Variants in PPP1R9A observed in about 807,000 individuals in gnomAD.
PPP1R9A encodes protein phosphatase 1 regulatory subunit 9A.
In PPP1R9A, 59 loss-of-function variants were observed where a neutral mutation model predicts 141.9. That is an observed-to-expected ratio of 0.42 (90% CI 0.34 to 0.52). The LOEUF is 0.52. Among genes scored for constraint, PPP1R9A ranks in the 20% least tolerant of loss-of-function variants. PPP1R9A has a pLI of 0.10. For missense variants in PPP1R9A, 1,444 were observed against 1,611.9 expected, an observed-to-expected ratio of 0.90 and a Z score of 1.78; for synonymous variants, 500 against 569.7, an observed-to-expected ratio of 0.88 and a Z score of 1.74.
At chr7:95,228,335 T>C (rs1001812590) in intron 8 of PPP1R9A, among the ~76,000 whole-genome samples, 2 of 152,212 alleles carry the variant, frequency 1.3e-5, no homozygotes, top group South Asian at 4.1e-4. Context: ...TGGTGAAATA[T>C]TTATGGAATG....
chr7:95,072,849 AAT>A (rs1491072108), intron 2 of PPP1R9A, among the ~76,000 whole-genome samples: 13 of 108,218 alleles, frequency 1.2e-4, no homozygotes, highest in South Asian at 2.3e-4. Flanking sequence ...TATTATATAT[AAT>A]ATAAGTTATA....
At chr7:95,241,363 T>C (rs1797433693) in intron 8 of PPP1R9A, among the ~76,000 whole-genome samples, 2 of 152,170 alleles carry the variant, frequency 1.3e-5, no homozygotes, top group South Asian at 2.1e-4. Context: ...CACTTTTTGC[T>C]TGGGACAGAA....
intron 2 of PPP1R9A, among the ~76,000 whole-genome samples, chr7:95,082,972 G>T (rs1396387935): frequency 1.3e-5 from 2 of 151,444 alleles, no homozygotes; most frequent in Non-Finnish European, 2.9e-5. Context: ...AGCCAGGATG[G>T]TCTCAATCTC....
intron 2 of PPP1R9A, among the ~76,000 whole-genome samples, chr7:94,962,834 G>A (rs1017564462): frequency 2.6e-5 from 4 of 152,092 alleles, no homozygotes; most frequent in Non-Finnish European, 4.4e-5. Flanking sequence ...AGTCAAGCTC[G>A]CATATTAACA....
At chr7:95,271,513 G>A (rs1262680278) in intron 14 of PPP1R9A, among the ~76,000 whole-genome samples, 1 of 152,170 alleles carries the variant, frequency 6.6e-6, no homozygotes, top group East Asian at 1.9e-4. Context: ...AACATGATGG[G>A]GGAAATAGGA....
chr7:94,937,817 C>G (rs946752725), intron 2 of PPP1R9A, among the ~76,000 whole-genome samples: 2 of 152,014 alleles, frequency 1.3e-5, no homozygotes, highest in Non-Finnish European at 1.5e-5. Flanking sequence ...TATGGGAGAT[C>G]CAGTTTTTTC....
intron 2 of PPP1R9A, among the ~76,000 whole-genome samples, chr7:95,038,588 C>G (rs1808779917): frequency 6.6e-6 from 1 of 152,134 alleles, no homozygotes; most frequent in African/African-American, 2.4e-5. Flanking sequence ...GAGCCTTGTG[C>G]TGCAGCCATG....
chr7:95,045,484 A>T (rs569772618), intron 2 of PPP1R9A, among the ~76,000 whole-genome samples: 1 of 152,358 alleles, frequency 6.6e-6, no homozygotes, highest in South Asian at 2.1e-4. Context: ...AGTTGTACAC[A>T]TGCTCACTTG....
chr7:95,051,173 T>A (rs1810741893), intron 2 of PPP1R9A, among the ~76,000 whole-genome samples: 1 of 152,138 alleles, frequency 6.6e-6, no homozygotes. Context: ...TCTTTTTTTT[T>A]ATTGATTCTT....
At chr7:95,027,432 C>A (rs867611956) in intron 2 of PPP1R9A, among the ~76,000 whole-genome samples, 1 of 152,182 alleles carries the variant, frequency 6.6e-6, no homozygotes. Context: ...TAACCAGTCC[C>A]CATGAGATGA....
intron 2 of PPP1R9A, among the ~76,000 whole-genome samples, chr7:94,928,236 T>C (rs778348724): frequency 3.3e-5 from 5 of 151,850 alleles, no homozygotes; most frequent in Admixed American, 6.6e-5. Flanking sequence ...TGGAGGAACA[T>C]GAAGGGGGTG....
chr7:95,014,834 A>G (rs1157479715), intron 2 of PPP1R9A, among the ~76,000 whole-genome samples: 1 of 152,044 alleles, frequency 6.6e-6, no homozygotes, highest in Non-Finnish European at 1.5e-5. Context: ...TGACTTATTT[A>G]TTTATATTAG....
chr7:95,239,251 A>C (rs887880436), intron 8 of PPP1R9A, among the ~76,000 whole-genome samples: 2 of 152,118 alleles, frequency 1.3e-5, no homozygotes, highest in Admixed American at 1.3e-4. Flanking sequence ...TGGCATGTTG[A>C]AAGTACATAA....
intron 12 of PPP1R9A, among the ~76,000 whole-genome samples, chr7:95,256,169 G>A (rs1410229721): frequency 6.6e-6 from 1 of 150,668 alleles, no homozygotes; most frequent in East Asian, 1.9e-4. Context: ...TCCAGCCTGA[G>A]TGATAGAGCA....
chr7:95,243,166 T>C (rs565787050), intron 8 of PPP1R9A, among the ~76,000 whole-genome samples: 1 of 152,236 alleles, frequency 6.6e-6, no homozygotes, highest in South Asian at 2.1e-4. Context: ...GGTCCACGTC[T>C]GGACAAACAG....
At chr7:95,191,554 G>A (rs1835505451) in intron 5 of PPP1R9A, among the ~76,000 whole-genome samples, 2 of 152,058 alleles carry the variant, frequency 1.3e-5, no homozygotes, top group South Asian at 4.1e-4. Flanking sequence ...TAGAACACTA[G>A]TATTTATTCC....
intron 5 of PPP1R9A, among the ~76,000 whole-genome samples, chr7:95,189,459 C>T (rs867139663): frequency 4.4e-5 from 5 of 113,264 alleles, no homozygotes; most frequent in Non-Finnish European, 8.3e-5. Context: ...TTTTTTGAGA[C>T]GGAGTCTCGC....
chr7:94,931,166 G>C (rs1205953762), intron 2 of PPP1R9A, among the ~76,000 whole-genome samples: 1 of 152,108 alleles, frequency 6.6e-6, no homozygotes, highest in Non-Finnish European at 1.5e-5. Flanking sequence ...ATCAGCAGTA[G>C]AATGAAGTAA....
intron 2 of PPP1R9A, among the ~76,000 whole-genome samples, chr7:94,976,263 G>C (rs780630208): frequency 2.6e-5 from 4 of 151,714 alleles, no homozygotes; most frequent in African/African-American, 9.7e-5. Flanking sequence ...AAATTATTAC[G>C]GCATTGTTTA....
Sources: gnomAD v4.1 joint callset for allele counts (sites outside exome capture counted in the v4.1 genomes callset) on GRCh38, gnomAD v4.1.1 for gene constraint, MANE v1.5 for transcripts, NCBI Gene and HGNC (gene_info 2026-07-23, HGNC 2026-07-21) for gene names.